Variants in SCFD2 observed in about 807,000 individuals in gnomAD.
SCFD2 encodes the protein sec1 family domain containing 2.
In SCFD2, 54 loss-of-function variants were observed where a neutral mutation model predicts 58.9. That is an observed-to-expected ratio of 0.92 (90% confidence interval 0.74 to 1.15). SCFD2 has a LOEUF of 1.15. SCFD2 is among the 50% of genes most tolerant of loss of function. The pLI, the probability that SCFD2 is intolerant of heterozygous loss-of-function variation, is 0.00. For missense variants in SCFD2, 805 were observed against 836.6 expected (o/e 0.96, Z 0.47); for synonymous variants, 321 against 335.9 (o/e 0.96, Z 0.49).
intron 5 of SCFD2, among the ~76,000 whole-genome samples, chr4:53,032,548 C>T (rs1204618422): frequency 1.3e-5 from 2 of 152,130 alleles, no homozygotes; most frequent in Admixed American, 6.6e-5. Context: ...GGAGACCCAT[C>T]TCACCTGCAA....
intron 4 of SCFD2, among the ~76,000 whole-genome samples, chr4:53,259,718 T>TATGA (rs971018781): frequency 2.0e-5 from 3 of 152,172 alleles, no homozygotes; most frequent in Non-Finnish European, 4.4e-5. Context: ...TTTGGTTCCA[T>TATGA]ATGAATTTTA....
intron 4 of SCFD2, among the ~76,000 whole-genome samples, chr4:53,270,254 G>A (rs1731119577): frequency 6.6e-6 from 1 of 151,652 alleles, no homozygotes; most frequent in African/African-American, 2.4e-5. Context: ...ACAGATTAAG[G>A]GAGAAAAACT....
At chr4:53,246,018 T>C (rs1380633544) in intron 4 of SCFD2, among the ~76,000 whole-genome samples, 2 of 152,076 alleles carry the variant, frequency 1.3e-5, no homozygotes, top group Non-Finnish European at 2.9e-5. Flanking sequence ...AAAATCAGTG[T>C]ACAAAAATCA....
intron 2 of SCFD2, among the ~76,000 whole-genome samples, chr4:53,332,547 AC>A (rs1345570570): frequency 2.0e-5 from 3 of 152,296 alleles, no homozygotes; most frequent in South Asian, 2.1e-4. Context: ...AAATTCAACA[AC>A]CCTTAATGCT....
intron 5 of SCFD2, among the ~76,000 whole-genome samples, chr4:53,029,741 T>C (rs796655691): frequency 7.2e-5 from 11 of 152,300 alleles, no homozygotes; most frequent in African/African-American, 2.6e-4. Context: ...AAAAATAATC[T>C]TTTCAATAAA....
chr4:53,348,059 C>T (rs1734107233), intron 2 of SCFD2, among the ~76,000 whole-genome samples: 1 of 152,364 alleles, frequency 6.6e-6, no homozygotes, highest in Admixed American at 6.5e-5. Context: ...ATTCTGCCTA[C>T]TTCTTGTTGA....
At chr4:53,216,160 T>A (rs911050288) in intron 4 of SCFD2, among the ~76,000 whole-genome samples, 1 of 152,244 alleles carries the variant, frequency 6.6e-6, no homozygotes, top group African/African-American at 2.4e-5. Context: ...GCTGGCCTCA[T>A]AAAATGAGTT....
chr4:52,995,252 G>A (rs941183756), intron 5 of SCFD2, among the ~76,000 whole-genome samples: 7 of 152,084 alleles, frequency 4.6e-5, no homozygotes, highest in Non-Finnish European at 1.0e-4. Context: ...TTCTCACAAG[G>A]AGCGCGGAAC....
At chr4:53,111,726 G>T (rs368071551) in intron 5 of SCFD2, among the ~76,000 whole-genome samples, 2 of 152,196 alleles carry the variant, frequency 1.3e-5, no homozygotes, top group African/African-American at 4.8e-5. Flanking sequence ...TAGAGTTTCT[G>T]ATTGTATTAT....
At chr4:53,303,529 T>C (rs943178251) in intron 3 of SCFD2, among the ~76,000 whole-genome samples, 7 of 152,158 alleles carry the variant, frequency 4.6e-5, no homozygotes, top group Non-Finnish European at 2.9e-5. Context: ...GCAACCATTG[T>C]GGAAGTCAGT....
chr4:53,144,268 G>A (rs1726252495), intron 5 of SCFD2, among the ~76,000 whole-genome samples: 2 of 151,160 alleles, frequency 1.3e-5, no homozygotes, highest in Admixed American at 1.3e-4. Flanking sequence ...GCAACACAGT[G>A]AGGCCCCATC....
chr4:53,071,987 C>A (rs1439037115), intron 5 of SCFD2, among the ~76,000 whole-genome samples: 2 of 152,050 alleles, frequency 1.3e-5, no homozygotes, highest in Admixed American at 6.6e-5. Context: ...GCTTCACTAC[C>A]ACCACCACCC....
intron 5 of SCFD2, among the ~76,000 whole-genome samples, chr4:53,030,637 G>T (rs1398784110): frequency 2.0e-5 from 3 of 152,074 alleles, no homozygotes; most frequent in Non-Finnish European, 4.4e-5. Context: ...AGCCAGGCTG[G>T]TCTCGAACTC....
intron 5 of SCFD2, among the ~76,000 whole-genome samples, chr4:53,123,346 C>T (rs1432929176): frequency 6.6e-6 from 1 of 152,156 alleles, no homozygotes; most frequent in South Asian, 2.1e-4. Context: ...AGCTTTCTCA[C>T]TCCCAGGCTA....
chr4:53,303,823 A>G (rs1172261755), intron 3 of SCFD2, among the ~76,000 whole-genome samples: 1 of 143,910 alleles, frequency 6.9e-6, no homozygotes, highest in Non-Finnish European at 1.6e-5. Flanking sequence ...GAAGCTGGAA[A>G]CCATCATTCT....
intron 5 of SCFD2, among the ~76,000 whole-genome samples, chr4:53,137,628 G>C (rs1220881302): frequency 6.6e-6 from 1 of 152,150 alleles, no homozygotes; most frequent in Non-Finnish European, 1.5e-5. Context: ...TAGATACTTT[G>C]AGTTATTCAT....
In SCFD2 at chr4:53,075,622, C is replaced by A. The variant is rs537880985; in HGVS notation, c.1561+69711G>T. On this transcript the variant is annotated intron_variant, in intron 5 of 8. Coordinates refer to ENST00000401642, the MANE Select transcript of SCFD2 (RefSeq NM_152540.4). ...GTAAGGCTGTTAATTAGGTTAGTTTCAATATTACTGTGTCCCATGGAAGAG... is the reference window on the plus strand; with the variant it reads ...GTAAGGCTGTTAATTAGGTTAGTTTAAATATTACTGTGTCCCATGGAAGAG... Among the ~76,000 whole-genome samples, 4 of 152,208 alleles carry A rather than the reference C, an allele frequency of 2.6e-5. No individual in the cohort carries two copies. The South Asian group carries it at 8.3e-4, about 32-fold the overall frequency.
intron 5 of SCFD2, among the ~76,000 whole-genome samples, chr4:52,925,292 T>C (rs1031861546): frequency 6.6e-6 from 1 of 150,918 alleles, no homozygotes; most frequent in Non-Finnish European, 1.5e-5. Context: ...ATATGTGCTA[T>C]TTTATATATA....
intron 5 of SCFD2, among the ~76,000 whole-genome samples, chr4:53,080,205 A>C (rs1724101018): frequency 6.6e-6 from 1 of 152,170 alleles, no homozygotes; most frequent in African/African-American, 2.4e-5. Context: ...ATTTTTACAA[A>C]ATATCACCAT....
Sources: gnomAD v4.1 joint callset for allele counts (sites outside exome capture counted in the v4.1 genomes callset) on GRCh38, gnomAD v4.1.1 for gene constraint, MANE v1.5 for transcripts, NCBI Gene and HGNC (gene_info 2026-07-23, HGNC 2026-07-21) for gene names.